Variants in EIF2AK1 observed in about 807,000 individuals in gnomAD.
EIF2AK1 encodes eukaryotic translation initiation factor 2-alpha kinase 1.
EIF2AK1 carries 54 observed loss-of-function variants against 77.9 expected under a neutral mutation model. The ratio of observed to expected loss-of-function variants is 0.69; its 90% CI spans 0.56 to 0.87. The LOEUF is 0.87. Ranked by LOEUF, EIF2AK1 falls within the 40% of genes least tolerant of loss-of-function variation. The pLI is 0.00. For missense variants in EIF2AK1, 810 were observed against 768.6 expected, an observed-to-expected ratio of 1.05 and a Z score of -0.64; for synonymous variants, 314 against 290.5, an observed-to-expected ratio of 1.08 and a Z score of -0.82.
At position 6,048,405 on chromosome 7, in the gene EIF2AK1, G is replaced by T. The variant is rs1006493325; in HGVS notation, c.449+402C>A. On this transcript the variant is annotated intron_variant, in intron 4 of 14. Coordinates refer to ENST00000199389, the MANE Select transcript of EIF2AK1 (RefSeq NM_014413.4). ...TTCATCCATATTGTAGCATGAATCCGTACTTCATTCCTTTTAATAGCTGAA... is the reference window on the plus strand; with the variant it reads ...TTCATCCATATTGTAGCATGAATCCTTACTTCATTCCTTTTAATAGCTGAA... Among the ~76,000 whole-genome samples, 3 of 152,168 alleles carry T rather than the reference G, an allele frequency of 2.0e-5. No individual in the cohort carries two copies. In the East Asian group the frequency reaches 5.8e-4, roughly 29 times the overall value.
rs10254125 is a variant in EIF2AK1 at position 6,027,315 on chromosome 7, A to G, written c.1531-354T>C. 0.65 allele frequency among the ~76,000 whole-genome samples: 99,210 copies of G among 152,044 alleles called. 32,555 individuals carry two copies. The highest frequency in any genetic ancestry group is 0.85 in the East Asian group (4,409 of 5,166). ...GTGTCAGCTGCGGGGGAGCCACAGAAGGTCGCGGGTTCTCCTCCGGTCTCA... is the reference window on the plus strand; with the variant it reads ...GTGTCAGCTGCGGGGGAGCCACAGAGGGTCGCGGGTTCTCCTCCGGTCTCA... On this transcript the variant is annotated intron_variant, in intron 13 of 14. Transcript: ENST00000199389. The surrounding 1 kb of genome is among the most constrained non-coding windows in gnomAD (Gnocchi z 4.5).
chr7:6,038,816 A>G, intron 9 of EIF2AK1, 145 bp from the exon 10 acceptor site: 1 of 565,888 alleles, frequency 1.8e-6, no homozygotes, highest in Admixed American at 4.0e-5. Flanking sequence ...TTCTCTTTGC[A>G]AGACAGAAGT....
At chr7:6,056,529 G>A (rs1477567745) in intron 1 of EIF2AK1, among the ~76,000 whole-genome samples, 2 of 146,438 alleles carry the variant, frequency 1.4e-5, no homozygotes, top group African/African-American at 5.0e-5. Flanking sequence ...GAGGGGCGGA[G>A]GTTGCAGTGA....
rs553009005 is a variant in EIF2AK1, at chr7:6,052,923, A to T, written c.277+1623T>A. ...GATTGCAGTGAGCGGAAATCGCGCCAATGCACTCCAGCCTGGGCAACAGAG... is the reference window on the plus strand; with the variant it reads ...GATTGCAGTGAGCGGAAATCGCGCCTATGCACTCCAGCCTGGGCAACAGAG... On this transcript the variant is annotated intron_variant, in intron 2 of 14. Transcript: ENST00000199389. Among the ~76,000 whole-genome samples, 31 of 152,272 alleles carry T rather than the reference A, an allele frequency of 2.0e-4. No homozygotes were observed. The South Asian group carries it at 6.0e-3, about 30-fold the overall frequency.
In EIF2AK1 at chr7:6,033,990, G is replaced by A. The variant is rs1046142570; in HGVS notation, c.1332+3434C>T. Among the ~76,000 whole-genome samples the A allele has an allele frequency of 2.0e-5, 3 of 151,972 alleles. No homozygotes were observed. Among genetic ancestry groups the A allele is most frequent in the African/African-American group, 7.2e-5 (3 of 41,388 alleles). ...CAAATCAATGCCTGACACTTAGCAC[G>A]TGCTCAGTAATACTATCCGAGTGAA... On this transcript the variant is annotated intron_variant, in intron 11 of 14. Transcript: ENST00000199389. The surrounding 1 kb of genome is among the most constrained non-coding windows in gnomAD (Gnocchi z 4.4).
Position 6,036,878 on chromosome 7 carries a change from A to G in EIF2AK1, c.1332+546T>C, listed in dbSNP as rs1788115507. On this transcript the variant is annotated intron_variant, in intron 11 of 14. Transcript: ENST00000199389. The surrounding 1 kb of genome is among the most constrained non-coding windows in gnomAD (Gnocchi z 4.6). ...TATAGCAGTACTCAGAGCACCTGAA[A>G]AAAAGTACTTATACTCCACAGAGGA... Among the ~76,000 whole-genome samples, 1 of 152,152 alleles carries G rather than the reference A, an allele frequency of 6.6e-6. No individual in the cohort carries two copies. Among genetic ancestry groups the G allele is most frequent in the Non-Finnish European group, 1.5e-5 (1 of 68,032 alleles).
At chr7:6,056,355 G>C (rs1380175141) in intron 1 of EIF2AK1, among the ~76,000 whole-genome samples, 1 of 148,864 alleles carries the variant, frequency 6.7e-6, no homozygotes, top group Non-Finnish European at 1.5e-5. Flanking sequence ...AGCACTTTGG[G>C]AGGCCGAGGC....
intron 11 of EIF2AK1, chr7:6,031,376 A>G (rs1787906674): frequency 6.4e-7 from 1 of 1,550,456 alleles, no homozygotes; most frequent in South Asian, 1.2e-5. Context: ...AGTTTTTCTC[A>G]TGGGGAATAT....
chr7:6,046,692 A>G (rs940909653), intron 5 of EIF2AK1: 6 of 209,036 alleles, frequency 2.9e-5, no homozygotes, highest in African/African-American at 1.4e-4. Context: ...TCACGAGGTC[A>G]GGAGATCAAG....
Position 6,038,570 on chromosome 7 carries a change from G to A in EIF2AK1, c.1221C>T (p.Asp407=), listed in dbSNP as rs779914531. 34 of 1,611,254 alleles carry A rather than the reference G, an allele frequency of 2.1e-5. No individual in the cohort carries two copies. Among genetic ancestry groups the A allele is most frequent in the Admixed American group, 5.0e-5 (3 of 59,692 alleles). ...CCAGATGGTACTCACAGGCAGACTC[G>A]TCCACATACTCCCGGCCCCGCTTGT... ...ERNKRGREYV[D]ESACPYVMAN... is the part of the protein sequence containing the mutation. Residue 407 remains aspartate (D), a synonymous_variant, in exon 10 of 15, where the codon GAC becomes GAT. Transcript: ENST00000199389.
intron 14 of EIF2AK1, among the ~76,000 whole-genome samples, chr7:6,025,049 G>A (rs1684082322): frequency 6.6e-6 from 1 of 151,990 alleles, no homozygotes; most frequent in African/African-American, 2.4e-5. Context: ...ATGTTGGCCA[G>A]GCCGGTCTCA....
At chr7:6,056,805 A>G (rs968053601) in intron 1 of EIF2AK1, among the ~76,000 whole-genome samples, 13 of 151,620 alleles carry the variant, frequency 8.6e-5, no homozygotes, top group Admixed American at 7.9e-4. Flanking sequence ...TACAGAAAAG[A>G]CACACTTGCA....
rs1430533435 is a variant in EIF2AK1, at chr7:6,024,102, G to A, written c.*571C>T. ...AAAGCTTTGCAAGGGTGTGGTTTTG[G>A]AATGACGCTAAACTGAAGGTGGAGA... On this transcript the variant is annotated 3_prime_UTR_variant, in exon 15 of 15. Transcript: ENST00000199389. 6.2e-6 allele frequency: 8 copies of A among 1,298,230 alleles called. No individual in the cohort carries two copies. The highest frequency in any genetic ancestry group is 8.0e-6 in the Non-Finnish European group (8 of 995,366). The allele number at this position is 1,298,230 out of a possible 1,614,324, so 80.4% of individuals were successfully genotyped here.
Position 6,035,542 on chromosome 7 carries a change from T to C in EIF2AK1, c.1332+1882A>G. 6.4e-7 allele frequency: 1 copy of C among 1,551,206 alleles called. No homozygotes were observed. Among genetic ancestry groups the C allele is most frequent in the Non-Finnish European group, 8.7e-7 (1 of 1,147,128 alleles). On this transcript the variant is annotated intron_variant, in intron 11 of 14. Transcript: ENST00000199389. The surrounding 1 kb of genome is among the most constrained non-coding windows in gnomAD (Gnocchi z 5.5). ...CCAGGCAACAGAACGCACAGGATCC[T>C]GACAGACATTCAGAATAGCAGCATC...
At chr7:6,029,553 C>A (rs1300731950) in intron 11 of EIF2AK1, among the ~76,000 whole-genome samples, 1 of 151,778 alleles carries the variant, frequency 6.6e-6, no homozygotes, top group African/African-American at 2.4e-5. Flanking sequence ...AGAACTCCTG[C>A]GGGTGAACGC....
intron 1 of EIF2AK1, among the ~76,000 whole-genome samples, chr7:6,058,646 A>C (rs546745645): frequency 1.2e-4 from 18 of 152,348 alleles, no homozygotes; most frequent in African/African-American, 4.3e-4. Flanking sequence ...AACCAATGAC[A>C]AAACCCAGGG....
At chr7:6,028,447 T>C (rs1337558141) in intron 13 of EIF2AK1, among the ~76,000 whole-genome samples, 168 bp downstream of exon 13, 1 of 152,238 alleles carries the variant, frequency 6.6e-6, no homozygotes, top group Non-Finnish European at 1.5e-5. Context: ...AGACCAGGTT[T>C]CACCATGTTG....
chr7:6,049,203 G>A (rs1398372526), intron 3 of EIF2AK1, among the ~76,000 whole-genome samples: 7 of 151,828 alleles, frequency 4.6e-5, no homozygotes, highest in African/African-American at 1.7e-4. Flanking sequence ...AAGTCAGATT[G>A]TGTCACTCCT....
At chr7:6,026,206 G>A (rs1428508525) in intron 14 of EIF2AK1, among the ~76,000 whole-genome samples, 1 of 152,072 alleles carries the variant, frequency 6.6e-6, no homozygotes, top group East Asian at 1.9e-4. Flanking sequence ...ACTCACCAGT[G>A]ACCAAAACAC....
Sources: allele counts gnomAD v4.1 joint callset (sites outside exome capture counted in the v4.1 genomes callset), GRCh38; gene constraint gnomAD v4.1.1; non-coding constraint Gnocchi (gnomAD v3.1); transcripts MANE v1.5; gene names NCBI Gene and HGNC (gene_info 2026-07-23, HGNC 2026-07-21).